ZPBP: variants seen among roughly 807,000 people sequenced by gnomAD.
ZPBP encodes zona pellucida-binding protein 1.
ZPBP carries 26 observed loss-of-function variants against 44.8 expected under a neutral mutation model. The observed-to-expected ratio is 0.58, with a 90% CI of 0.43 to 0.81. The LOEUF is 0.81. Among genes scored for constraint, ZPBP ranks in the 30% least tolerant of loss-of-function variants. ZPBP has a pLI of 0.00. For missense variants in ZPBP, 409 were observed against 434.0 expected (o/e 0.94, Z 0.51); for synonymous variants, 174 against 153.2 (o/e 1.14, Z -1.00).
intron 2 of ZPBP, among the ~76,000 whole-genome samples, chr7:49,877,170 A>G (rs1404214126): frequency 6.6e-6 from 1 of 151,786 alleles, no homozygotes; most frequent in African/African-American, 2.4e-5. Flanking sequence ...GCTCAAAAAT[A>G]TTTATTTGGG....
intron 7 of ZPBP, among the ~76,000 whole-genome samples, chr7:49,971,620 A>C (rs964405835): frequency 6.6e-6 from 1 of 152,262 alleles, no homozygotes; most frequent in Non-Finnish European, 1.5e-5. Context: ...GTAATCAAAA[A>C]CTTTCTTATA....
At chr7:49,959,265 C>CAAAAAAAAAAAAAAAAAAAAAAAAA (rs60383665) in intron 7 of ZPBP, among the ~76,000 whole-genome samples, 1 of 142,086 alleles carries the variant, frequency 7.0e-6, no homozygotes, top group African/African-American at 2.6e-5. Context: ...TAAAGCAAGC[C>CAAAAAAAAAAAAAAAAAAAAAAAAA]AAAAAAAAAA....
chr7:49,922,776 T>C (rs1354170945), intron 1 of ZPBP, among the ~76,000 whole-genome samples: 3 of 152,164 alleles, frequency 2.0e-5, no homozygotes, highest in Non-Finnish European at 4.4e-5. Flanking sequence ...GGTGCAGAGC[T>C]GATCTGAGGC....
chr7:49,884,698 C>G (rs2128728297), intron 2 of ZPBP, among the ~76,000 whole-genome samples: 1 of 152,232 alleles, frequency 6.6e-6, no homozygotes, highest in Non-Finnish European at 1.5e-5. Context: ...GTGTCAACAC[C>G]TGTGAGATTT....
intron 4 of ZPBP, among the ~76,000 whole-genome samples, chr7:50,053,519 A>C (rs1004903496): frequency 1.1e-4 from 16 of 152,212 alleles, no homozygotes; most frequent in African/African-American, 3.6e-4. Context: ...AAATGGTTAC[A>C]TTATTTCCTT....
At chr7:49,890,909 C>T (rs1438125738) in intron 2 of ZPBP, among the ~76,000 whole-genome samples, 1 of 146,494 alleles carries the variant, frequency 6.8e-6, no homozygotes. Context: ...AGCCAGGAGA[C>T]GGGTAAACAG....
At chr7:49,983,092 G>C (rs1218583220) in intron 7 of ZPBP, among the ~76,000 whole-genome samples, 2 of 151,872 alleles carry the variant, frequency 1.3e-5, no homozygotes, top group Non-Finnish European at 1.5e-5. Context: ...ACTATTATTT[G>C]TGTTTCCTCC....
In ZPBP at chr7:50,092,890, T is replaced by G. The variant is rs558332948; in HGVS notation, c.127+178A>C. The G allele has an allele frequency of 5.3e-6, 5 of 942,666 alleles. No individual in the cohort carries two copies. The African/African-American group carries it at 7.0e-5, about 13-fold the overall frequency. The allele number at this position is 942,666 out of a possible 1,614,324, so 58.4% of individuals were successfully genotyped here. ...TAATTTCCTGTCATTCACTCCTCTA[T>G]GCAAATGCAGAGTGACTTTGTACGA... On this transcript the variant is annotated intron_variant, in intron 1 of 7. Coordinates refer to ENST00000046087, the MANE Select transcript of ZPBP (RefSeq NM_007009.3).
At chr7:49,890,932 G>C (rs1583765397) in intron 2 of ZPBP, among the ~76,000 whole-genome samples, 1 of 150,338 alleles carries the variant, frequency 6.7e-6, no homozygotes, top group African/African-American at 2.4e-5. Context: ...ATAAAAAAAA[G>C]GTCCTTTAGA....
intron 6 of ZPBP, among the ~76,000 whole-genome samples, chr7:49,998,514 T>C (rs1362822315): frequency 2.0e-5 from 3 of 152,224 alleles, no homozygotes; most frequent in African/African-American, 7.2e-5. Context: ...AGAAGTATTA[T>C]ACAGAGTCAC....
At chr7:50,049,236 C>T (rs1020687169) in intron 4 of ZPBP, among the ~76,000 whole-genome samples, 1 of 151,914 alleles carries the variant, frequency 6.6e-6, no homozygotes, top group Non-Finnish European at 1.5e-5. Flanking sequence ...TTCTACCAAA[C>T]AGTTAAGATA....
intron 7 of ZPBP, among the ~76,000 whole-genome samples, chr7:49,962,703 A>T (rs1182427210): frequency 6.6e-6 from 1 of 151,930 alleles, no homozygotes; most frequent in Non-Finnish European, 1.5e-5. Context: ...ATTCTTGTGG[A>T]ATATGATTAG....
chr7:49,878,505 T>C (rs919432967), intron 2 of ZPBP, among the ~76,000 whole-genome samples: 12 of 152,214 alleles, frequency 7.9e-5, no homozygotes, highest in African/African-American at 2.9e-4. Context: ...TTGACTATTT[T>C]CTTTCAAAAC....
At chr7:49,899,766 G>A (rs1355813783) in intron 2 of ZPBP, among the ~76,000 whole-genome samples, 4 of 151,856 alleles carry the variant, frequency 2.6e-5, no homozygotes, top group Non-Finnish European at 5.9e-5. Context: ...ATAGATTCGG[G>A]AAGCTGAAAA....
chr7:50,057,271 TG>T (rs1406982300), intron 4 of ZPBP, among the ~76,000 whole-genome samples: 1 of 151,144 alleles, frequency 6.6e-6, no homozygotes, highest in African/African-American at 2.4e-5. Context: ...AAAGCAGACT[TG>T]GGGGATATGC....
intron 1 of ZPBP, among the ~76,000 whole-genome samples, chr7:49,922,604 G>T (rs1019214167): frequency 3.9e-5 from 6 of 152,294 alleles, no homozygotes; most frequent in African/African-American, 9.6e-5. Context: ...GGCATTCTGA[G>T]CATTTTTCCC....
At chr7:50,081,182 G>A (rs915531996) in intron 3 of ZPBP, among the ~76,000 whole-genome samples, 3 of 151,556 alleles carry the variant, frequency 2.0e-5, no homozygotes, top group Non-Finnish European at 3.0e-5. Context: ...CCACAGGCAC[G>A]ATCTCAAAAT....
chr7:49,957,681 G>C (rs1795669797), intron 7 of ZPBP, among the ~76,000 whole-genome samples: 2 of 152,296 alleles, frequency 1.3e-5, no homozygotes, highest in Middle Eastern at 6.8e-3. Context: ...AACAACCTAG[G>C]GGCCCAGGCA....
intron 2 of ZPBP, among the ~76,000 whole-genome samples, chr7:49,856,628 A>G (rs1184581612): frequency 2.0e-5 from 3 of 152,212 alleles, no homozygotes; most frequent in Admixed American, 6.5e-5. Context: ...GAGTTTGGAC[A>G]TAAGTATACC....
Sources: allele counts gnomAD v4.1 joint callset (sites outside exome capture counted in the v4.1 genomes callset), GRCh38; gene constraint gnomAD v4.1.1; transcripts MANE v1.5; gene names NCBI Gene and HGNC (gene_info 2026-07-23, HGNC 2026-07-21).